Variants in CCDC192 observed in about 807,000 individuals in gnomAD.
The protein encoded by CCDC192 is coiled-coil domain-containing protein 192.
intron 5 of CCDC192, among the ~76,000 whole-genome samples, chr5:127,818,308 T>G (rs1749122748): frequency 6.6e-6 from 1 of 152,150 alleles, no homozygotes; most frequent in African/African-American, 2.4e-5. Context: ...AAAGACTGAG[T>G]CTCTAGGACT....
At chr5:127,866,413 G>GA (rs1454086318) in intron 5 of CCDC192, among the ~76,000 whole-genome samples, 1 of 149,512 alleles carries the variant, frequency 6.7e-6, no homozygotes, top group Non-Finnish European at 1.5e-5. Flanking sequence ...ATTTTCTTAG[G>GA]AAAAAACTTA....
intron 5 of CCDC192, among the ~76,000 whole-genome samples, chr5:127,828,777 G>T (rs537538601): frequency 6.6e-6 from 1 of 152,156 alleles, no homozygotes; most frequent in Non-Finnish European, 1.5e-5. Flanking sequence ...AAGGAGAAGG[G>T]TATTATATTT....
chr5:127,816,052 G>A (rs1749010861), intron 5 of CCDC192, among the ~76,000 whole-genome samples: 1 of 152,088 alleles, frequency 6.6e-6, no homozygotes, highest in Non-Finnish European at 1.5e-5. Flanking sequence ...ATTAGACAAT[G>A]TACTTTAAAG....
intron 3 of CCDC192, among the ~76,000 whole-genome samples, chr5:127,770,621 A>G (rs1490710779): frequency 1.3e-5 from 2 of 152,206 alleles, no homozygotes; most frequent in African/African-American, 4.8e-5. Context: ...TAGGGATGGT[A>G]CATTATTTAA....
At chr5:127,754,804 C>T (rs1322421682) in intron 3 of CCDC192, among the ~76,000 whole-genome samples, 1 of 152,118 alleles carries the variant, frequency 6.6e-6, no homozygotes, top group African/African-American at 2.4e-5. Flanking sequence ...GGAAACTTTA[C>T]TTGGAAGAGA....
intron 6 of CCDC192, among the ~76,000 whole-genome samples, chr5:127,900,229 C>T (rs978031366): frequency 6.6e-6 from 1 of 152,210 alleles, no homozygotes; most frequent in Admixed American, 6.5e-5. Flanking sequence ...AAATCCCTAG[C>T]ACCACAGGTG....
At chr5:127,707,406 CTTT>C (rs11389024) in intron 1 of CCDC192, among the ~76,000 whole-genome samples, 2 of 147,232 alleles carry the variant, frequency 1.4e-5, no homozygotes, top group Non-Finnish European at 3.0e-5. Flanking sequence ...CCTCTCCCCA[CTTT>C]TTTTTTTTTA....
chr5:127,925,754 G>A (rs1048177765), intron 6 of CCDC192, among the ~76,000 whole-genome samples: 1 of 152,060 alleles, frequency 6.6e-6, no homozygotes, highest in Admixed American at 6.6e-5. Context: ...ATTGCTTCTC[G>A]TTCGCTTAAA....
chr5:127,764,795 A>G (rs1755126636), intron 3 of CCDC192, among the ~76,000 whole-genome samples: 2 of 152,112 alleles, frequency 1.3e-5, no homozygotes, highest in East Asian at 3.9e-4. Context: ...ACCAATGTGT[A>G]TTGGGCCACA....
intron 6 of CCDC192, among the ~76,000 whole-genome samples, chr5:127,892,732 C>T (rs1752766538): frequency 6.6e-6 from 1 of 152,078 alleles, no homozygotes; most frequent in South Asian, 2.1e-4. Context: ...AAATAAAGTA[C>T]TCAGAAATCT....
chr5:127,763,165 T>C (rs1755021753), intron 3 of CCDC192, among the ~76,000 whole-genome samples: 1 of 152,008 alleles, frequency 6.6e-6, no homozygotes, highest in Non-Finnish European at 1.5e-5. Context: ...CCTAATTATG[T>C]ATACTGAACA....
intron 5 of CCDC192, among the ~76,000 whole-genome samples, chr5:127,824,480 C>T (rs2127026933): frequency 6.6e-6 from 1 of 152,300 alleles, no homozygotes; most frequent in Admixed American, 6.5e-5. Context: ...GCTTTTCTCA[C>T]TGGGGGTTTA....
intron 6 of CCDC192, among the ~76,000 whole-genome samples, chr5:127,920,840 C>T (rs576818425): frequency 6.6e-6 from 1 of 151,860 alleles, no homozygotes; most frequent in Non-Finnish European, 1.5e-5. Flanking sequence ...GTGGGAGGAT[C>T]ACTTGAGCCC....
chr5:127,797,152 G>A lies in CCDC192; in HGVS notation c.272G>A (p.Arg91Gln), dbSNP rs1168404881. ...TCAAAACTGCTTGAACAAGTATCCCGGCTGGAGGAAAAACTGGAGGCTGTG... is the reference window on the plus strand; with the variant it reads ...TCAAAACTGCTTGAACAAGTATCCCAGCTGGAGGAAAAACTGGAGGCTGTG... Reference protein sequence around the residue: ...TKSKLLEQVSRLEEKLEAVDH... With the variant: ...TKSKLLEQVSQLEEKLEAVDH... Residue 91 changes from arginine to glutamine, a missense_variant, in exon 4 of 7, where the codon CGG becomes CAG. Arg to Gln is a conservative substitution (Grantham distance 43). Coordinates refer to ENST00000514853, the MANE Select transcript of CCDC192 (RefSeq NM_001317938.2). 1.5e-5 allele frequency: 6 copies of A among 398,380 alleles called. No homozygotes were observed. Among genetic ancestry groups the A allele is most frequent in the African/African-American group, 6.2e-5 (3 of 48,692 alleles). 24.7% of individuals were successfully genotyped at this position (398,380 alleles called of 1,614,324 possible). A position where few individuals can be genotyped will look rare whatever the true frequency, so the allele number is the denominator to read the frequency against.
intron 2 of CCDC192, 140 bp downstream of exon 2, chr5:127,707,900 C>A: frequency 2.7e-6 from 1 of 368,168 alleles, no homozygotes; most frequent in Non-Finnish European, 4.8e-6. Flanking sequence ...AGAAATAAAA[C>A]ATAGAAAGTT....
At chr5:127,772,468 A>C (rs922638546) in intron 3 of CCDC192, among the ~76,000 whole-genome samples, 6 of 125,716 alleles carry the variant, frequency 4.8e-5, no homozygotes, top group Admixed American at 9.3e-5. Context: ...CTCTGTCACA[A>C]AAAAAAAAAA....
intron 2 of CCDC192, among the ~76,000 whole-genome samples, chr5:127,743,680 T>C (rs944529858): frequency 6.6e-6 from 1 of 152,168 alleles, no homozygotes; most frequent in Non-Finnish European, 1.5e-5. Flanking sequence ...TCTTCTTAGG[T>C]GACTATTGAG....
intron 6 of CCDC192, among the ~76,000 whole-genome samples, chr5:127,898,033 T>C (rs1323434041): frequency 1.3e-5 from 2 of 152,020 alleles, no homozygotes; most frequent in Non-Finnish European, 2.9e-5. Context: ...GCTTAAAAAC[T>C]TGCTAGAGTA....
At chr5:127,876,616 G>A (rs1213565920) in intron 6 of CCDC192, among the ~76,000 whole-genome samples, 1 of 152,160 alleles carries the variant, frequency 6.6e-6, no homozygotes, top group Non-Finnish European at 1.5e-5. Flanking sequence ...TGGGAAAAAT[G>A]TCTTCCTTTG....
Sources: allele counts gnomAD v4.1 joint callset (sites outside exome capture counted in the v4.1 genomes callset), GRCh38; gene constraint gnomAD v4.1.1; transcripts MANE v1.5; gene names NCBI Gene and HGNC (gene_info 2026-07-23, HGNC 2026-07-21).